The following LARP1B variants were observed in gnomAD, a reference collection of about 807,000 sequenced individuals.
LARP1B encodes the protein La ribonucleoprotein 1B.
In LARP1B, 76 loss-of-function variants were observed where a neutral mutation model predicts 114.2. That is an observed-to-expected ratio of 0.67 (90% CI 0.55 to 0.81). LARP1B has a LOEUF of 0.81. Ranked by LOEUF, LARP1B falls within the 30% of genes least tolerant of loss-of-function variation. The pLI, the probability that LARP1B is intolerant of heterozygous loss-of-function variation, is 0.00. For synonymous variants in LARP1B, 345 were observed against 348.0 expected, an observed-to-expected ratio of 0.99 and a Z score of 0.10; for missense variants, 1,014 against 1,075.8, an observed-to-expected ratio of 0.94 and a Z score of 0.80.
intron 15 of LARP1B, among the ~76,000 whole-genome samples, chr4:128,185,612 A>G (rs1257550306): frequency 6.6e-6 from 1 of 151,830 alleles, no homozygotes; most frequent in Non-Finnish European, 1.5e-5. Flanking sequence ...ATAGTTTGCA[A>G]ATATTTTCTC....
At chr4:128,077,425 C>T (rs1579912219) in intron 3 of LARP1B, among the ~76,000 whole-genome samples, 3 of 151,988 alleles carry the variant, frequency 2.0e-5, no homozygotes, top group South Asian at 2.1e-4. Context: ...TGCTTGAACC[C>T]AGGAGGTGGA....
intron 9 of LARP1B, among the ~76,000 whole-genome samples, chr4:128,111,274 C>T (rs999304857): frequency 5.9e-5 from 9 of 152,106 alleles, no homozygotes; most frequent in African/African-American, 1.2e-4. Flanking sequence ...TCTCGAACTC[C>T]TGACTTCAGG....
chr4:128,066,310 G>A (rs1762831801), intron 1 of LARP1B, among the ~76,000 whole-genome samples: 2 of 151,326 alleles, frequency 1.3e-5, no homozygotes, highest in South Asian at 4.2e-4. Context: ...CTGAGTAGCT[G>A]GGACTACAGG....
At chr4:128,101,549 CAG>C (rs1029369590) in intron 8 of LARP1B, among the ~76,000 whole-genome samples, 3 of 148,372 alleles carry the variant, frequency 2.0e-5, no homozygotes, top group South Asian at 2.1e-4. Context: ...TTGTAATTAA[CAG>C]AGAAAATTAG....
chr4:128,129,343 C>T (rs1387376283), intron 11 of LARP1B, among the ~76,000 whole-genome samples: 3 of 106,150 alleles, frequency 2.8e-5, no homozygotes, highest in Admixed American at 1.2e-4. Flanking sequence ...AGCAAGACTC[C>T]GTCTCAAAAA....
intron 8 of LARP1B, among the ~76,000 whole-genome samples, chr4:128,100,352 A>C (rs925554005): frequency 3.3e-5 from 5 of 151,700 alleles, no homozygotes; most frequent in Admixed American, 6.6e-5. Flanking sequence ...GGCTCACTGC[A>C]ACCTCCACCT....
intron 12 of LARP1B, among the ~76,000 whole-genome samples, chr4:128,168,765 ATTG>A (rs1442621185): frequency 1.3e-5 from 2 of 148,708 alleles, no homozygotes; most frequent in East Asian, 3.9e-4. Flanking sequence ...CATGAGGAAT[ATTG>A]TTTTTTTTTT....
At chr4:128,162,094 C>T (rs1298856037) in intron 11 of LARP1B, 100 bp from the exon 12 acceptor site, 6 of 1,027,814 alleles carry the variant, frequency 5.8e-6, no homozygotes, top group South Asian at 3.4e-5. Flanking sequence ...GTAATTAATC[C>T]CTGTTTTAGA....
intron 8 of LARP1B, among the ~76,000 whole-genome samples, chr4:128,104,468 C>G (rs779436365): frequency 1.3e-5 from 2 of 151,088 alleles, no homozygotes; most frequent in Non-Finnish European, 1.5e-5. Flanking sequence ...TTTTTGAGAC[C>G]GCTCTCACTC....
intron 9 of LARP1B, among the ~76,000 whole-genome samples, chr4:128,112,444 G>C (rs935263415): frequency 7.0e-6 from 1 of 142,908 alleles, no homozygotes; most frequent in Non-Finnish European, 1.5e-5. Flanking sequence ...ATAGATAACT[G>C]CATATAGCTA....
intron 11 of LARP1B, among the ~76,000 whole-genome samples, chr4:128,161,351 A>G (rs966653854): frequency 5.9e-5 from 9 of 152,162 alleles, no homozygotes; most frequent in African/African-American, 1.9e-4. Flanking sequence ...TGACTATGCA[A>G]TAGTAGTTAC....
intron 11 of LARP1B, among the ~76,000 whole-genome samples, chr4:128,149,378 T>G (rs1272680236): frequency 6.6e-6 from 1 of 152,194 alleles, no homozygotes; most frequent in Non-Finnish European, 1.5e-5. Context: ...GGTTTATATA[T>G]GTGAGGCATT....
chr4:128,093,235 T>A (rs1446577538), intron 7 of LARP1B, among the ~76,000 whole-genome samples: 1 of 152,182 alleles, frequency 6.6e-6, no homozygotes, highest in East Asian at 1.9e-4. Flanking sequence ...TTACTTTGTA[T>A]TATTTGGTTT....
At chr4:128,158,198 A>T (rs1215515353) in intron 11 of LARP1B, among the ~76,000 whole-genome samples, 1 of 152,170 alleles carries the variant, frequency 6.6e-6, no homozygotes, top group African/African-American at 2.4e-5. Flanking sequence ...AGGTGCATTC[A>T]TAATCATAGT....
chr4:128,202,273 G>A (rs763220799), intron 17 of LARP1B, among the ~76,000 whole-genome samples: 19 of 152,112 alleles, frequency 1.2e-4, no homozygotes, highest in Non-Finnish European at 2.6e-4. Flanking sequence ...TAATCTCATT[G>A]TTCTTATTCA....
At chr4:128,133,870 T>G (rs186210774) in intron 11 of LARP1B, among the ~76,000 whole-genome samples, 7 of 152,128 alleles carry the variant, frequency 4.6e-5, no homozygotes, top group Admixed American at 2.6e-4. Flanking sequence ...CCATTGTTTG[T>G]ATTTTTAGTA....
At position 128,090,985 on chromosome 4, in the gene LARP1B, T is replaced by C. The variant is rs1212566502; in HGVS notation, c.359-16T>C. 1 of 1,545,272 alleles carries C rather than the reference T, an allele frequency of 6.5e-7. No homozygotes were observed. On this transcript the variant is annotated splice_polypyrimidine_tract_variant and intron_variant, in intron 5 of 19. Transcript: ENST00000326639. ...TGGCAAATCGAAGTATATAAAAATA[T>C]TTTTATTTTTAAAAGGTTGGAAGCG...
At chr4:128,205,271 A>G (rs1023306734) in intron 17 of LARP1B, among the ~76,000 whole-genome samples, 1 of 152,248 alleles carries the variant, frequency 6.6e-6, no homozygotes, top group East Asian at 1.9e-4. Context: ...ATATTATGTT[A>G]GCAGAATGAA....
chr4:128,177,898 A>T (rs1394946370), intron 13 of LARP1B, among the ~76,000 whole-genome samples: 1 of 152,116 alleles, frequency 6.6e-6, no homozygotes, highest in Non-Finnish European at 1.5e-5. Flanking sequence ...ATTAAACAAA[A>T]AACTTTGAAA....
Sources: allele counts gnomAD v4.1 joint callset (sites outside exome capture counted in the v4.1 genomes callset), GRCh38; gene constraint gnomAD v4.1.1; transcripts MANE v1.5; gene names NCBI Gene and HGNC (gene_info 2026-07-23, HGNC 2026-07-21).